Variants in PDE1C observed in about 807,000 individuals in gnomAD.
PDE1C encodes the protein dual specificity calcium/calmodulin-dependent 3',5'-cyclic nucleotide phosphodiesterase 1C.
In PDE1C, 62 loss-of-function variants were observed where a neutral mutation model predicts 93.1. The observed-to-expected ratio is 0.67, with a 90% CI of 0.54 to 0.82. The LOEUF (loss-of-function observed/expected upper bound fraction) is 0.82, where lower values mean the gene tolerates loss of function less well. PDE1C is among the 40% of genes least tolerant of loss of function. The probability of loss-of-function intolerance (pLI) is 0.00; values close to 1 mark genes in which losing one functional copy is unlikely to be tolerated. For synonymous variants in PDE1C, 325 were observed against 310.1 expected (o/e 1.05, Z -0.50); for missense variants, 742 against 884.6 (o/e 0.84, Z 2.04).
At chr7:32,282,645 G>C (rs1466478291) in intron 1 of PDE1C, among the ~76,000 whole-genome samples, 5 of 15,956 alleles carry the variant, frequency 3.1e-4, no homozygotes, top group African/African-American at 1.3e-3. Flanking sequence ...GCAATGGCAC[G>C]ATCTCGGCTC....
intron 16 of PDE1C, chr7:31,786,596 A>C (rs1273702685): frequency 6.6e-6 from 1 of 152,186 alleles, no homozygotes; most frequent in Non-Finnish European, 1.5e-5. Flanking sequence ...ACCGTGTTCC[A>C]AACACTGTGG....
At position 31,865,068 on chromosome 7, in the gene PDE1C, T is replaced by C; in HGVS notation, c.624A>G (p.Ala208=). 1.2e-6 allele frequency: 2 copies of C among 1,614,072 alleles called. No homozygotes were observed. The highest frequency in any genetic ancestry group is 1.7e-6 in the Non-Finnish European group (2 of 1,179,964). ...LISRFKIPIS[A]LVSFVEALEV... ...CCAGGGCCTCCACAAATGAGACAAG[T>C]GCAGAAATGGGGATCTGAAAGAGAG... Residue 208 remains alanine (A), a synonymous_variant, in exon 7 of 18, where the codon GCA becomes GCG. Transcript: ENST00000396191.
rs949563625 is a variant in PDE1C at position 32,170,757 on chromosome 7, C to T, written c.137-801G>A. On this transcript the variant is annotated intron_variant, in intron 2 of 18. Coordinates refer to the PDE1C transcript ENST00000396193. ...GACCTTGGCCTCCTGCCTCCCTTGT[C>T]GCCCCACTCTCCCCCAACCCCCAAC... 4.6e-5 allele frequency among the ~76,000 whole-genome samples: 7 copies of T among 152,080 alleles called. 1 individual carries two copies. Among genetic ancestry groups the T allele is most frequent in the South Asian group, 4.1e-4 (2 of 4,826 alleles).
intron 2 of PDE1C, among the ~76,000 whole-genome samples, chr7:32,044,341 G>C (rs1006300585): frequency 6.6e-6 from 1 of 152,150 alleles, no homozygotes; most frequent in Non-Finnish European, 1.5e-5. Flanking sequence ...AGTTCAGCTT[G>C]ACTGGAACTT....
intron 1 of PDE1C, among the ~76,000 whole-genome samples, chr7:32,269,177 C>T (rs1361651219): frequency 2.6e-5 from 4 of 152,184 alleles, no homozygotes; most frequent in Non-Finnish European, 4.4e-5. Context: ...TGAAGACTGC[C>T]TTAAACCAGT....
the PDE1C span, among the ~76,000 whole-genome samples, chr7:31,705,986 ATTTTTTTTTTTTT>A: frequency 7.4e-4 from 39 of 52,516 alleles, 1 homozygote; most frequent in Admixed American, 2.5e-3. Flanking sequence ...CAGACCAGTA[ATTTTTTTTTTTTT>A]TTTTTTTTTT....
chr7:31,951,861 T>G (rs1441416884), intron 2 of PDE1C, among the ~76,000 whole-genome samples: 4 of 152,126 alleles, frequency 2.6e-5, no homozygotes, highest in Non-Finnish European at 5.9e-5. Context: ...GGTGTGGATT[T>G]CAACTCTTAC....
At chr7:32,222,620 G>A (rs1806957501) in intron 1 of PDE1C, among the ~76,000 whole-genome samples, 1 of 152,226 alleles carries the variant, frequency 6.6e-6, no homozygotes, top group Non-Finnish European at 1.5e-5. Flanking sequence ...GGAGGCAGGT[G>A]TGTCTGGCTT....
downstream of PDE1C, among the ~76,000 whole-genome samples, chr7:31,750,800 C>T (rs186451195): frequency 1.3e-3 from 193 of 152,278 alleles, no homozygotes; most frequent in Non-Finnish European, 4.7e-4. Context: ...GGCGTGATCT[C>T]GGCTCACTGC....
At chr7:32,079,912 C>A (rs1399091285) in intron 3 of PDE1C, among the ~76,000 whole-genome samples, 2 of 152,136 alleles carry the variant, frequency 1.3e-5, no homozygotes, top group Non-Finnish European at 2.9e-5. Context: ...GGGAGTGATA[C>A]AGATACTTGC....
intron 2 of PDE1C, among the ~76,000 whole-genome samples, chr7:31,922,044 C>T (rs894255058): frequency 2.0e-5 from 3 of 152,140 alleles, no homozygotes; most frequent in Non-Finnish European, 4.4e-5. Context: ...AGATAAAATC[C>T]GAAACCTGTC....
the PDE1C span, among the ~76,000 whole-genome samples, chr7:31,716,558 CAAT>C: frequency 6.6e-6 from 1 of 152,130 alleles, no homozygotes; most frequent in African/African-American, 2.4e-5. Flanking sequence ...AATTATTGTG[CAAT>C]AATAGATGTG....
intron 9 of PDE1C, among the ~76,000 whole-genome samples, chr7:31,839,991 C>T (rs1261612577): frequency 1.3e-5 from 2 of 152,282 alleles, no homozygotes; most frequent in East Asian, 3.9e-4. Flanking sequence ...GAGGTGATAT[C>T]ATGCCACTGC....
At chr7:31,961,652 C>T (rs1277262848) in intron 2 of PDE1C, among the ~76,000 whole-genome samples, 1 of 152,230 alleles carries the variant, frequency 6.6e-6, no homozygotes, top group Non-Finnish European at 1.5e-5. Context: ...CTGGATCATG[C>T]TGGGATCTGC....
chr7:31,989,041 GGAAA>G (rs1256788514), intron 2 of PDE1C, among the ~76,000 whole-genome samples: 22 of 119,260 alleles, frequency 1.8e-4, no homozygotes, highest in African/African-American at 7.0e-4. Context: ...AAGAGAGAAA[GGAAA>G]GAAAGAGAAA....
At position 31,764,373 on chromosome 7, in the gene PDE1C, T is replaced by C. The variant is rs1336384678; in HGVS notation, c.1961-10820A>G. 2.6e-5 allele frequency among the ~76,000 whole-genome samples: 4 copies of C among 152,120 alleles called. No individual in the cohort carries two copies. In the East Asian group the frequency reaches 7.7e-4, roughly 29 times the overall value. Reference sequence around the variant, plus strand: ...GTTGGCCAGGATGGTCTCAAACTCCTGACCGCGGTGATCCAAACACCTCAG... The same window carrying C: ...GTTGGCCAGGATGGTCTCAAACTCCCGACCGCGGTGATCCAAACACCTCAG... On this transcript the variant is annotated intron_variant, in intron 17 of 17. Transcript: ENST00000396191.
intron 1 of PDE1C, among the ~76,000 whole-genome samples, chr7:32,369,248 C>G (rs542196216): frequency 3.3e-5 from 5 of 152,164 alleles, no homozygotes; most frequent in African/African-American, 9.6e-5. Context: ...CCCATCCATC[C>G]AACAGGGGAT....
chr7:32,284,278 G>C (rs751806405), intron 1 of PDE1C, among the ~76,000 whole-genome samples: 39 of 152,316 alleles, frequency 2.6e-4, no homozygotes, highest in Non-Finnish European at 4.1e-4. Context: ...GCATAGAATA[G>C]GGGCAAACTG....
intron 3 of PDE1C, among the ~76,000 whole-genome samples, chr7:32,166,141 ATAT>A (rs1802254589): frequency 6.6e-6 from 1 of 152,140 alleles, no homozygotes. Context: ...ACAAAACATC[ATAT>A]TATTTTACAT....
Sources: gnomAD v4.1 joint callset for allele counts (sites outside exome capture counted in the v4.1 genomes callset) on GRCh38, gnomAD v4.1.1 for gene constraint, MANE v1.5 for transcripts, NCBI Gene and HGNC (gene_info 2026-07-23, HGNC 2026-07-21) for gene names.